Variants in GRID1 observed in about 807,000 individuals in gnomAD.
The protein encoded by GRID1 is glutamate receptor ionotropic, delta-1.
In GRID1, 28 loss-of-function variants were observed where a neutral mutation model predicts 98.0. The ratio of observed to expected loss-of-function variants is 0.29; its 90% CI spans 0.21 to 0.39. GRID1 has a LOEUF of 0.39. Ranked by LOEUF, GRID1 falls within the 10% of genes least tolerant of loss-of-function variation. The pLI is 1.00. For synonymous variants in GRID1, 553 were observed against 538.5 expected (o/e 1.03, Z -0.37); for missense variants, 1,111 against 1,340.5 (o/e 0.83, Z 2.67).
intron 4 of GRID1, among the ~76,000 whole-genome samples, chr10:86,091,654 AT>A (rs1329986123): frequency 6.6e-6 from 1 of 152,134 alleles, no homozygotes; most frequent in African/African-American, 2.4e-5. Context: ...TCCAGAAAGC[AT>A]CACCTCCTGG....
intron 2 of GRID1, among the ~76,000 whole-genome samples, chr10:86,230,491 G>A (rs889593101): frequency 2.0e-5 from 3 of 152,158 alleles, no homozygotes; most frequent in African/African-American, 4.8e-5. Flanking sequence ...GAGCTCAAAC[G>A]GCTTCTCCTG....
chr10:86,090,963 G>A (rs1844137654), intron 4 of GRID1, among the ~76,000 whole-genome samples: 2 of 152,178 alleles, frequency 1.3e-5, no homozygotes, highest in African/African-American at 4.8e-5. Context: ...CAGGGGTATA[G>A]GAAGCAGCAG....
chr10:86,301,702 G>A (rs1847690117), intron 2 of GRID1, among the ~76,000 whole-genome samples: 1 of 152,248 alleles, frequency 6.6e-6, no homozygotes, highest in African/African-American at 2.4e-5. Flanking sequence ...CTGCCTCTGA[G>A]CAGTGTTTGC....
intron 2 of GRID1, among the ~76,000 whole-genome samples, chr10:86,207,299 C>G (rs1846039666): frequency 6.6e-6 from 1 of 152,180 alleles, no homozygotes; most frequent in Admixed American, 6.5e-5. Flanking sequence ...AGCAGTTGTT[C>G]CAGAAGGATT....
chr10:86,196,795 C>T (rs1845879655), intron 3 of GRID1, among the ~76,000 whole-genome samples: 1 of 152,106 alleles, frequency 6.6e-6, no homozygotes, highest in African/African-American at 2.4e-5. Context: ...GCTGAACAAG[C>T]CAGTGCTCTA....
At chr10:85,971,027 C>G (rs565519759) in intron 4 of GRID1, among the ~76,000 whole-genome samples, 1 of 151,328 alleles carries the variant, frequency 6.6e-6, no homozygotes, top group African/African-American at 2.4e-5. Context: ...AAAATCAACT[C>G]TATTTCTATA....
At chr10:86,019,483 C>A (rs948150856) in intron 4 of GRID1, among the ~76,000 whole-genome samples, 1 of 152,224 alleles carries the variant, frequency 6.6e-6, no homozygotes, top group African/African-American at 2.4e-5. Context: ...GCCCATGACC[C>A]CCCTCCATTC....
intron 12 of GRID1, among the ~76,000 whole-genome samples, chr10:85,668,853 G>A (rs1356793695): frequency 1.3e-5 from 2 of 152,220 alleles, no homozygotes; most frequent in Non-Finnish European, 2.9e-5. Flanking sequence ...ATTGGTTGCT[G>A]TGTTCTCAAC....
rs369456233 is a variant in GRID1, at chr10:85,676,688, T to C, written c.1998-29291A>G. ...TGGACTTTCAAGTTGCAGAAAGCAA[T>C]GAGGCACAGCACTGAGCACCTTGGA... is the stretch of plus-strand genomic sequence containing the variant. On this transcript the variant is annotated intron_variant, in intron 12 of 15. Transcript: ENST00000327946. Among the ~76,000 whole-genome samples, 3 of 152,288 alleles carry C rather than the reference T, an allele frequency of 2.0e-5. No homozygotes were observed. In the East Asian group the frequency reaches 5.8e-4, roughly 29 times the overall value.
intron 3 of GRID1, among the ~76,000 whole-genome samples, chr10:86,203,204 T>A (rs562777054): frequency 6.6e-6 from 1 of 152,326 alleles, no homozygotes; most frequent in South Asian, 2.1e-4. Context: ...AAGAACAGAA[T>A]AGTCTTTACA....
intron 8 of GRID1, among the ~76,000 whole-genome samples, chr10:85,802,376 A>C (rs1842584642): frequency 1.3e-5 from 2 of 152,096 alleles, no homozygotes; most frequent in Admixed American, 1.3e-4. Context: ...GTGATAGATC[A>C]ACTGACCATC....
At chr10:85,783,347 G>C (rs1349220222) in intron 8 of GRID1, among the ~76,000 whole-genome samples, 1 of 152,120 alleles carries the variant, frequency 6.6e-6, no homozygotes, top group Non-Finnish European at 1.5e-5. Flanking sequence ...GCATCTGAAG[G>C]CGCTACTCTC....
chr10:86,321,991 A>C (rs1847977164), intron 2 of GRID1, among the ~76,000 whole-genome samples: 1 of 151,940 alleles, frequency 6.6e-6, no homozygotes, highest in African/African-American at 2.4e-5. Context: ...AAACGAACGC[A>C]CCCCTGAGGA....
At chr10:86,246,877 C>G (rs1902678) in intron 2 of GRID1, among the ~76,000 whole-genome samples, 142,060 of 152,356 alleles carry the variant, frequency 0.93, 66,929 homozygotes, top group African/African-American at 0.98. Flanking sequence ...ACTGTGATGA[C>G]TGTACTGATT....
At chr10:86,087,392 C>A (rs1367613917) in intron 4 of GRID1, among the ~76,000 whole-genome samples, 2 of 143,716 alleles carry the variant, frequency 1.4e-5, no homozygotes, top group Non-Finnish European at 3.0e-5. Context: ...ATAATGGAGT[C>A]TGTGTGTGTG....
At chr10:86,334,535 C>T (rs1848197292) in intron 2 of GRID1, among the ~76,000 whole-genome samples, 1 of 152,180 alleles carries the variant, frequency 6.6e-6, no homozygotes, top group African/African-American at 2.4e-5. Flanking sequence ...CAGGCCTCCA[C>T]ACCTTTTTAC....
intron 13 of GRID1, 40 bp downstream of exon 13, chr10:85,647,162 C>T (rs1377664444): frequency 1.9e-6 from 3 of 1,554,944 alleles, no homozygotes; most frequent in Non-Finnish European, 2.7e-6. Flanking sequence ...CCCCGTGGCC[C>T]TGTTACAGTG....
intron 4 of GRID1, among the ~76,000 whole-genome samples, chr10:85,951,510 A>G (rs910354822): frequency 1.3e-5 from 2 of 152,180 alleles, no homozygotes; most frequent in African/African-American, 4.8e-5. Flanking sequence ...ATGATCAAAA[A>G]GCTCAAATCT....
At chr10:85,709,125 G>A in intron 12 of GRID1, 1 of 340,928 alleles carries the variant, frequency 2.9e-6, no homozygotes, top group Non-Finnish European at 5.9e-6. Flanking sequence ...TGGTATACCA[G>A]CAATGTGTCA....
Sources: allele counts gnomAD v4.1 joint callset (sites outside exome capture counted in the v4.1 genomes callset), GRCh38; gene constraint gnomAD v4.1.1; transcripts MANE v1.5; gene names NCBI Gene and HGNC (gene_info 2026-07-23, HGNC 2026-07-21).